HUNK: variants seen among roughly 807,000 people sequenced by gnomAD.
The protein encoded by HUNK is hormonally up-regulated Neu-associated kinase.
Under a neutral mutation model 61.0 loss-of-function variants are expected in HUNK, and 21 were observed. The ratio of observed to expected loss-of-function variants is 0.34; its 90% CI spans 0.24 to 0.50. HUNK has a LOEUF of 0.50. Ranked by LOEUF, HUNK falls within the 20% of genes least tolerant of loss-of-function variation. The pLI, the probability that HUNK is intolerant of heterozygous loss-of-function variation, is 0.98. For missense variants in HUNK, 772 were observed against 945.7 expected, an observed-to-expected ratio of 0.82 and a Z score of 2.41; for synonymous variants, 371 against 386.1, an observed-to-expected ratio of 0.96 and a Z score of 0.46.
chr21:31,877,858 C>G (rs2052276467), intron 1 of HUNK, among the ~76,000 whole-genome samples: 1 of 152,102 alleles, frequency 6.6e-6, no homozygotes, highest in Non-Finnish European at 1.5e-5. Context: ...ACAAGTGCCC[C>G]CCGCCCTGGC....
At chr21:31,952,496 G>T (rs567219846) in intron 4 of HUNK, among the ~76,000 whole-genome samples, 1 of 152,214 alleles carries the variant, frequency 6.6e-6, no homozygotes, top group Non-Finnish European at 1.5e-5. Flanking sequence ...CCATTGCTTT[G>T]TCCCTTGCAT....
At chr21:31,949,992 C>T (rs1458824312) in intron 4 of HUNK, among the ~76,000 whole-genome samples, 1 of 152,192 alleles carries the variant, frequency 6.6e-6, no homozygotes, top group African/African-American at 2.4e-5. Flanking sequence ...AAGACCTCAG[C>T]CACTTGCCCC....
chr21:31,977,955 C>T (rs1243336134), intron 7 of HUNK, among the ~76,000 whole-genome samples: 1 of 152,224 alleles, frequency 6.6e-6, no homozygotes, highest in Non-Finnish European at 1.5e-5. Context: ...GCCTAGGCCT[C>T]CCAAAGCGCT....
At chr21:31,951,790 C>G (rs2052851533) in intron 4 of HUNK, among the ~76,000 whole-genome samples, 1 of 152,148 alleles carries the variant, frequency 6.6e-6, no homozygotes, top group Non-Finnish European at 1.5e-5. Context: ...TTGTTCTAGG[C>G]CTCAGACTCA....
chr21:31,960,912 C>T (rs536420442), intron 5 of HUNK, among the ~76,000 whole-genome samples: 1 of 152,304 alleles, frequency 6.6e-6, no homozygotes, highest in African/African-American at 2.4e-5. Context: ...GGGAAATTAA[C>T]ATTGATAAAA....
chr21:31,995,750 T>C lies in HUNK; in HGVS notation c.1306-18T>C. On this transcript the variant is annotated intron_variant, in intron 9 of 10. Coordinates refer to ENST00000270112, the MANE Select transcript of HUNK (RefSeq NM_014586.2). ...TCTAGTATGTGTCTAAGTGCATATG[T>C]TTGCTTCTGATTTGTAGGATAAAAA... 6.2e-7 allele frequency: 1 copy of C among 1,607,736 alleles called. No homozygotes were observed.
chr21:31,924,286 T>TG lies in HUNK; in HGVS notation c.262-182_262-181insG, dbSNP rs367852433. Among the ~76,000 whole-genome samples, 18,972 of 138,274 alleles carry TG rather than the reference T, an allele frequency of 0.14. 1,297 individuals carry two copies. The highest frequency in any genetic ancestry group is 0.2 in the African/African-American group (7,537 of 37,202). 90.7% of individuals were successfully genotyped at this position (138,274 alleles called of 152,430 possible). On this transcript the variant is annotated intron_variant, in intron 1 of 10. Transcript: ENST00000270112. The surrounding 1 kb of genome is among the most constrained non-coding windows in gnomAD (Gnocchi z 5.1). ...CCTATATGTGTGTGTGTGTGTGTGT[T>TG]TGTGTGGTATATGCATAAATATAAA...
At chr21:31,939,717 G>GTTTT (rs369967151) in intron 2 of HUNK, among the ~76,000 whole-genome samples, 7 of 130,480 alleles carry the variant, frequency 5.4e-5, no homozygotes, top group African/African-American at 1.9e-4. Context: ...CTCATGTGTT[G>GTTTT]TTTTTTTTTT....
chr21:31,970,221 G>A (rs1217757332), intron 6 of HUNK, among the ~76,000 whole-genome samples: 1 of 152,190 alleles, frequency 6.6e-6, no homozygotes, highest in African/African-American at 2.4e-5. Context: ...AGATGGCCAG[G>A]CAGGGCTCTG....
chr21:31,902,046 A>C (rs1300646069), intron 1 of HUNK, among the ~76,000 whole-genome samples: 1 of 152,174 alleles, frequency 6.6e-6, no homozygotes, highest in African/African-American at 2.4e-5. Context: ...CACAGTCATG[A>C]AGCCATATAA....
At chr21:31,911,793 C>T (rs980563192) in intron 1 of HUNK, among the ~76,000 whole-genome samples, 5 of 152,064 alleles carry the variant, frequency 3.3e-5, no homozygotes, top group Admixed American at 2.0e-4. Flanking sequence ...TGTCATGGAT[C>T]GCCTGCTGTA....
At chr21:31,903,813 A>G (rs1450665629) in intron 1 of HUNK, among the ~76,000 whole-genome samples, 1 of 152,266 alleles carries the variant, frequency 6.6e-6, no homozygotes, top group Non-Finnish European at 1.5e-5. Flanking sequence ...TTTTGGAGAA[A>G]GTAAGAGGAA....
rs571340882 is a variant in HUNK at position 31,890,478 on chromosome 21, C to T, written c.261+16543C>T. ...TCCTGACCTCAGGTGATCCACTCTG[C>T]CTTGGCCTCCCAAAGTGCTGGGATT... On this transcript the variant is annotated intron_variant, in intron 1 of 10. Coordinates refer to ENST00000270112, the MANE Select transcript of HUNK (RefSeq NM_014586.2). Among the ~76,000 whole-genome samples the T allele has an allele frequency of 2.3e-4, 35 of 152,294 alleles. No individual in the cohort carries two copies. In the South Asian group the frequency reaches 6.6e-3, roughly 29 times the overall value.
At chr21:31,992,528 T>C (rs565389322) in intron 9 of HUNK, among the ~76,000 whole-genome samples, 1 of 152,272 alleles carries the variant, frequency 6.6e-6, no homozygotes, top group Non-Finnish European at 1.5e-5. Flanking sequence ...AACTGTGCCA[T>C]GAAGGTGCGA....
intron 6 of HUNK, among the ~76,000 whole-genome samples, chr21:31,969,184 G>A (rs1042706491): frequency 6.6e-6 from 1 of 151,850 alleles, no homozygotes; most frequent in African/African-American, 2.4e-5. Flanking sequence ...GCCAGTCCTT[G>A]TGTTGTGAGT....
chr21:31,884,550 A>G (rs970030249), intron 1 of HUNK, among the ~76,000 whole-genome samples: 7 of 151,858 alleles, frequency 4.6e-5, no homozygotes, highest in African/African-American at 1.7e-4. Context: ...CAAGATCATG[A>G]CATTGCACTC....
At chr21:31,878,708 C>T (rs770434800) in intron 1 of HUNK, among the ~76,000 whole-genome samples, 6 of 152,118 alleles carry the variant, frequency 3.9e-5, no homozygotes, top group Non-Finnish European at 8.8e-5. Flanking sequence ...TGGCACATGA[C>T]AGGTTATTGT....
At chr21:31,963,868 T>G (rs2052945553) in intron 5 of HUNK, among the ~76,000 whole-genome samples, 1 of 152,140 alleles carries the variant, frequency 6.6e-6, no homozygotes, top group Non-Finnish European at 1.5e-5. Flanking sequence ...TGGAAGAATT[T>G]TTACCAAACT....
intron 7 of HUNK, among the ~76,000 whole-genome samples, chr21:31,976,421 TTCTC>T (rs141890259): frequency 0.043 from 6,484 of 151,356 alleles, 463 homozygotes; most frequent in African/African-American, 0.15. Flanking sequence ...TTGAAGCTGT[TTCTC>T]TCTCATTTCT....
Sources: allele counts gnomAD v4.1 joint callset (sites outside exome capture counted in the v4.1 genomes callset), GRCh38; gene constraint gnomAD v4.1.1; non-coding constraint Gnocchi (gnomAD v3.1); transcripts MANE v1.5; gene names NCBI Gene and HGNC (gene_info 2026-07-23, HGNC 2026-07-21).